Variants in DPP10 observed in about 807,000 individuals in gnomAD.
DPP10 encodes the protein dipeptidyl peptidase like 10, also known as inactive dipeptidyl peptidase 10.
Under a neutral mutation model 120.9 loss-of-function variants are expected in DPP10, and 33 were observed. That is an observed-to-expected ratio of 0.27 (90% confidence interval 0.21 to 0.37). The LOEUF (loss-of-function observed/expected upper bound fraction) is 0.37, where lower values mean the gene tolerates loss of function less well. DPP10 is among the 10% of genes least tolerant of loss of function. DPP10 has a pLI of 1.00. For missense variants in DPP10, 816 were observed against 942.8 expected (o/e 0.87, Z 1.76); for synonymous variants, 337 against 326.1 (o/e 1.03, Z -0.36).
chr2:114,612,220 C>G (rs530434241), intron 1 of DPP10, among the ~76,000 whole-genome samples: 2 of 152,278 alleles, frequency 1.3e-5, no homozygotes, highest in African/African-American at 4.8e-5. Context: ...CCTATGACTT[C>G]TTATGCCTTT....
intron 1 of DPP10, among the ~76,000 whole-genome samples, chr2:115,282,911 T>G (rs1399911362): frequency 6.6e-6 from 1 of 152,230 alleles, no homozygotes; most frequent in East Asian, 1.9e-4. Context: ...TAAGCACTGT[T>G]TTTGTCCCTT....
intron 1 of DPP10, among the ~76,000 whole-genome samples, chr2:115,071,625 C>T (rs928155301): frequency 2.6e-5 from 4 of 151,796 alleles, no homozygotes; most frequent in African/African-American, 9.7e-5. Flanking sequence ...TAGGGAGGAA[C>T]TCAGAAGTGA....
Position 115,711,915 on chromosome 2 carries a change from G to GTTTTTT in DPP10, c.577-15901_577-15900insTTTTTT, listed in dbSNP as rs1491280011. ...GAATATTGGACCTATAAAATGGTCT[G>GTTTTTT]GTTTTTTTTTTTTTTTTTTTTTTGG... On this transcript the variant is annotated intron_variant, in intron 7 of 25. Coordinates refer to ENST00000410059, the MANE Select transcript of DPP10 (RefSeq NM_020868.6). Among the ~76,000 whole-genome samples the GTTTTTT allele has an allele frequency of 5.9e-4, 57 of 96,974 alleles. 11 individuals carry two copies. Among genetic ancestry groups the GTTTTTT allele is most frequent in the Admixed American group, 1.1e-3 (9 of 8,408 alleles). The allele number at this position is 96,974 out of a possible 152,430, so 63.6% of individuals were successfully genotyped here. A position where few individuals can be genotyped will look rare whatever the true frequency, so the allele number is the denominator to read the frequency against.
At chr2:115,159,480 T>G (rs1183155960) in intron 1 of DPP10, among the ~76,000 whole-genome samples, 1 of 152,210 alleles carries the variant, frequency 6.6e-6, no homozygotes, top group Non-Finnish European at 1.5e-5. Context: ...TAGAATTTTT[T>G]CTTCAGTAAG....
intron 1 of DPP10, among the ~76,000 whole-genome samples, chr2:114,964,388 C>G (rs1698855216): frequency 6.6e-6 from 1 of 151,962 alleles, no homozygotes; most frequent in Non-Finnish European, 1.5e-5. Flanking sequence ...AAACGAAATG[C>G]TGCAGTAGAT....
chr2:115,335,431 G>T (rs1162059896), intron 2 of DPP10, among the ~76,000 whole-genome samples: 1 of 151,868 alleles, frequency 6.6e-6, no homozygotes, highest in Non-Finnish European at 1.5e-5. Context: ...GAAACATTAA[G>T]AAACAAGCTT....
At chr2:114,999,661 G>A (rs945408493) in intron 1 of DPP10, among the ~76,000 whole-genome samples, 1 of 151,996 alleles carries the variant, frequency 6.6e-6, no homozygotes, top group Non-Finnish European at 1.5e-5. Flanking sequence ...AGACACCCTT[G>A]TCTGTCATCT....
intron 1 of DPP10, among the ~76,000 whole-genome samples, chr2:114,906,679 A>G (rs1693990656): frequency 6.6e-6 from 1 of 152,112 alleles, no homozygotes; most frequent in Admixed American, 6.5e-5. Context: ...CAGCTGTTGA[A>G]CCAACCTTGC....
At chr2:114,744,942 A>G (rs1678434097) in intron 1 of DPP10, among the ~76,000 whole-genome samples, 1 of 152,054 alleles carries the variant, frequency 6.6e-6, no homozygotes, top group African/African-American at 2.4e-5. Context: ...TTGTATTTTT[A>G]GTAGAGACGG....
chr2:114,644,388 T>C (rs989744821), intron 1 of DPP10, among the ~76,000 whole-genome samples: 2 of 151,740 alleles, frequency 1.3e-5, no homozygotes, highest in Middle Eastern at 3.4e-3. Flanking sequence ...GTATTATATA[T>C]ACAACTAGTA....
chr2:115,533,491 A>G (rs143648220), intron 5 of DPP10, among the ~76,000 whole-genome samples: 8 of 152,208 alleles, frequency 5.3e-5, no homozygotes, highest in African/African-American at 1.9e-4. Context: ...TATTTTAACT[A>G]AGAAGTAATC....
intron 21 of DPP10, among the ~76,000 whole-genome samples, chr2:115,824,548 A>T (rs1488600015): frequency 6.6e-6 from 1 of 151,730 alleles, no homozygotes. Context: ...TTCAGCTCCC[A>T]CTTATGAGTG....
chr2:114,834,127 T>C (rs1480911393), intron 1 of DPP10: 1 of 151,658 alleles, frequency 6.6e-6, no homozygotes, highest in Non-Finnish European at 1.5e-5. Context: ...TCTACGCACC[T>C]ATGTATATAT....
intron 1 of DPP10, among the ~76,000 whole-genome samples, chr2:114,657,791 A>G (rs796613977): frequency 6.6e-5 from 10 of 152,322 alleles, no homozygotes; most frequent in African/African-American, 2.2e-4. Flanking sequence ...TTCATGTATA[A>G]CTACTTTTGG....
At chr2:115,106,447 G>GT (rs1320061023) in intron 1 of DPP10, among the ~76,000 whole-genome samples, 1 of 152,024 alleles carries the variant, frequency 6.6e-6, no homozygotes, top group East Asian at 1.9e-4. Context: ...CTCTGTCTCT[G>GT]TTTTTTTGTT....
chr2:114,503,039 A>G (rs540423638), intron 1 of DPP10, among the ~76,000 whole-genome samples: 2 of 152,318 alleles, frequency 1.3e-5, no homozygotes, highest in East Asian at 3.9e-4. Flanking sequence ...ATGGAGGGCT[A>G]TAGAGATAGA....
chr2:114,508,871 G>A (rs375979552), intron 1 of DPP10, among the ~76,000 whole-genome samples: 5 of 152,098 alleles, frequency 3.3e-5, no homozygotes, highest in Admixed American at 1.3e-4. Context: ...CCCTGAGAAC[G>A]TGAAATTCAG....
chr2:114,445,320 T>G (rs1364748529), intron 1 of DPP10, among the ~76,000 whole-genome samples: 1 of 152,164 alleles, frequency 6.6e-6, no homozygotes, highest in Non-Finnish European at 1.5e-5. Context: ...TGCTCCATTT[T>G]AGAAATTCAA....
At chr2:114,724,645 C>T (rs1039091608) in intron 1 of DPP10, among the ~76,000 whole-genome samples, 1 of 152,148 alleles carries the variant, frequency 6.6e-6, no homozygotes, top group Non-Finnish European at 1.5e-5. Context: ...TTAAAACAAG[C>T]TGGAATTTGG....
Sources: gnomAD v4.1 joint callset for allele counts (sites outside exome capture counted in the v4.1 genomes callset) on GRCh38, gnomAD v4.1.1 for gene constraint, MANE v1.5 for transcripts, NCBI Gene and HGNC (gene_info 2026-07-23, HGNC 2026-07-21) for gene names.